The following KLF12 variants were observed in gnomAD, a reference collection of about 807,000 sequenced individuals.
The protein encoded by KLF12 is KLF transcription factor 12.
A neutral mutation model predicts 37.8 loss-of-function variants in KLF12; 9 were observed. The ratio of observed to expected loss-of-function variants is 0.24; its 90% CI spans 0.14 to 0.42. The LOEUF is 0.42. Ranked by LOEUF, KLF12 falls within the 10% of genes least tolerant of loss-of-function variation. KLF12 has a pLI of 1.00. For synonymous variants in KLF12, 208 were observed against 202.1 expected (o/e 1.03, Z -0.25); for missense variants, 411 against 516.0 (o/e 0.80, Z 1.97).
chr13:74,100,835 G>A (rs1440377451), intron 1 of KLF12, among the ~76,000 whole-genome samples: 1 of 152,078 alleles, frequency 6.6e-6, no homozygotes, highest in Non-Finnish European at 1.5e-5. Context: ...CTTAGAAACT[G>A]CCTCAGAATC....
intron 1 of KLF12, among the ~76,000 whole-genome samples, chr13:74,115,447 G>A (rs1877241503): frequency 6.6e-6 from 1 of 152,282 alleles, no homozygotes; most frequent in African/African-American, 2.4e-5. Flanking sequence ...GTTCACTCCT[G>A]TAATCCCAGC....
intron 7 of KLF12, among the ~76,000 whole-genome samples, chr13:73,713,401 C>T (rs1230583197): frequency 6.6e-6 from 1 of 152,110 alleles, no homozygotes. Context: ...GCCAGAAGTG[C>T]CAAAGAGATA....
intron 1 of KLF12, among the ~76,000 whole-genome samples, chr13:74,010,150 C>T (rs1478327290): frequency 1.3e-5 from 2 of 151,912 alleles, no homozygotes. Context: ...GTCACATGGC[C>T]CAGGCTGGTC....
chr13:73,726,867 T>G (rs1876707101), intron 6 of KLF12, among the ~76,000 whole-genome samples: 2 of 152,244 alleles, frequency 1.3e-5, no homozygotes, highest in African/African-American at 2.4e-5. Context: ...ATTGCCAGAC[T>G]GTTTCCTAAA....
At chr13:73,729,548 T>C (rs1054991963) in intron 6 of KLF12, among the ~76,000 whole-genome samples, 17 of 152,192 alleles carry the variant, frequency 1.1e-4, no homozygotes, top group African/African-American at 4.1e-4. Flanking sequence ...GAATGATAAA[T>C]CTGAGAGCTC....
At chr13:73,986,587 T>C (rs1891834123) in intron 2 of KLF12, among the ~76,000 whole-genome samples, 1 of 152,152 alleles carries the variant, frequency 6.6e-6, no homozygotes, top group African/African-American at 2.4e-5. Context: ...TTAGGTTACA[T>C]GGCAAAGGGG....
the KLF12 span, among the ~76,000 whole-genome samples, chr13:74,228,731 A>T: frequency 6.6e-6 from 1 of 152,224 alleles, no homozygotes; most frequent in Non-Finnish European, 1.5e-5. Context: ...TTGAAATTGA[A>T]ACTGGACCCC....
chr13:73,980,976 G>GT (rs1891674999), intron 2 of KLF12, among the ~76,000 whole-genome samples: 1 of 151,990 alleles, frequency 6.6e-6, no homozygotes, highest in South Asian at 2.1e-4. Flanking sequence ...CCTGGGCAAC[G>GT]TGGCAAAACC....
rs57156299 is a variant in KLF12 at position 74,082,163 on chromosome 13, T to TAAAAAAAAAAAAAAAAAAAAAAA, written c.-32+51575_-32+51576insTTTTTTTTTTTTTTTTTTTTTTT. Among the ~76,000 whole-genome samples, 71 of 114,726 alleles carry TAAAAAAAAAAAAAAAAAAAAAAA rather than the reference T, an allele frequency of 6.2e-4. 2 individuals are homozygous for TAAAAAAAAAAAAAAAAAAAAAAA. The highest frequency in any genetic ancestry group is 2.3e-3 in the African/African-American group (64 of 28,338). The allele number at this position is 114,726 out of a possible 152,430, so 75.3% of individuals were successfully genotyped here. On this transcript the variant is annotated intron_variant, in intron 1 of 7. Coordinates refer to ENST00000377669, the MANE Select transcript of KLF12 (RefSeq NM_007249.5). Reference sequence around the variant, plus strand: ...GGCAACATAGCAAGACCCTGTCTCTTAAAAAAAAAAAAAAACAAAGTTAGC... The same window carrying TAAAAAAAAAAAAAAAAAAAAAAA: ...GGCAACATAGCAAGACCCTGTCTCTTAAAAAAAAAAAAAAAAAAAAAAAAAAAAAAAAAAAAAACAAAGTTAGC...
chr13:73,904,782 T>G (rs893343377), intron 3 of KLF12, among the ~76,000 whole-genome samples: 1 of 152,158 alleles, frequency 6.6e-6, no homozygotes, highest in Non-Finnish European at 1.5e-5. Context: ...GACTTAACAG[T>G]GATGCGTGTA....
chr13:73,738,815 T>C (rs1877725830), intron 6 of KLF12, among the ~76,000 whole-genome samples: 1 of 152,192 alleles, frequency 6.6e-6, no homozygotes, highest in African/African-American at 2.4e-5. Flanking sequence ...CGGCCATCTG[T>C]TGAGGTTTAC....
chr13:73,876,892 G>A lies in KLF12; in HGVS notation c.124-30519C>T, dbSNP rs529423493. ...TAGCCAGGCATGGTGGCACACGCCT[G>A]TAATCCCAGCTACTCGGGAGGCTGA... On this transcript the variant is annotated intron_variant, in intron 3 of 7. Transcript: ENST00000377669. Among the ~76,000 whole-genome samples the A allele has an allele frequency of 3.3e-5, 5 of 152,006 alleles. 1 individual carries two copies. The East Asian group carries it at 9.7e-4, about 30-fold the overall frequency.
At chr13:73,939,672 C>T (rs983913255) in intron 3 of KLF12, among the ~76,000 whole-genome samples, 5 of 152,050 alleles carry the variant, frequency 3.3e-5, no homozygotes, top group African/African-American at 1.2e-4. Flanking sequence ...AACACTGACT[C>T]AGTACCCACC....
chr13:73,753,733 T>C lies in KLF12; in HGVS notation c.869+11205A>G, dbSNP rs113278480. On this transcript the variant is annotated intron_variant, in intron 6 of 7. Coordinates refer to ENST00000377669, the MANE Select transcript of KLF12 (RefSeq NM_007249.5). Reference sequence around the variant, plus strand: ...ATCAGGTTTGTAAGTGACATAGAACTTAAATACTTAAATTAAGGATTAAAA... The same window carrying C: ...ATCAGGTTTGTAAGTGACATAGAACCTAAATACTTAAATTAAGGATTAAAA... 4.2e-3 allele frequency among the ~76,000 whole-genome samples: 641 copies of C among 150,922 alleles called. 2 individuals are homozygous for C. The highest frequency in any genetic ancestry group is 7.8e-3 in the Non-Finnish European group (526 of 67,842).
At chr13:74,227,122 A>C in the KLF12 span, among the ~76,000 whole-genome samples, 1 of 152,170 alleles carries the variant, frequency 6.6e-6, no homozygotes, top group African/African-American at 2.4e-5. Context: ...TACACCCTAC[A>C]TGGGTAGCAT....
chr13:74,221,157 C>T, the KLF12 span, among the ~76,000 whole-genome samples: 35 of 152,036 alleles, frequency 2.3e-4, no homozygotes, highest in African/African-American at 8.4e-4. Context: ...AGCACCGCCG[C>T]CACCACGCCC....
intron 4 of KLF12, 55 bp from the exon 5 acceptor site, chr13:73,813,342 T>C (rs1883044808): frequency 1.3e-6 from 2 of 1,595,260 alleles, no homozygotes; most frequent in Non-Finnish European, 1.7e-6. Flanking sequence ...AAAGTTAACC[T>C]TGTCCTGGAC....
At chr13:74,185,646 T>C in the KLF12 span, among the ~76,000 whole-genome samples, 6 of 152,026 alleles carry the variant, frequency 3.9e-5, no homozygotes, top group Non-Finnish European at 5.9e-5. Flanking sequence ...TTGGTAAGAC[T>C]TCTATTTTTT....
rs1018877874 is a variant in KLF12, at chr13:73,690,156, A to C, written c.*5334T>G. On this transcript the variant is annotated 3_prime_UTR_variant, in exon 8 of 8. Transcript: ENST00000377669. ...TATGTGTGTGTGTGTTCACATGTGC[A>C]GGAAAAAACCCAGTCTTATTAAGAA... The C allele has an allele frequency of 6.6e-6, 1 of 152,578 alleles. No homozygotes were observed. The highest frequency in any genetic ancestry group is 2.4e-5 in the African/African-American group (1 of 41,436). 9.5% of individuals were successfully genotyped at this position (152,578 alleles called of 1,614,324 possible).
Sources: gnomAD v4.1 joint callset for allele counts (sites outside exome capture counted in the v4.1 genomes callset) on GRCh38, gnomAD v4.1.1 for gene constraint, MANE v1.5 for transcripts, NCBI Gene and HGNC (gene_info 2026-07-23, HGNC 2026-07-21) for gene names.